CEP41: variants seen among roughly 807,000 people sequenced by gnomAD.
CEP41 encodes the protein centrosomal protein of 41 kDa.
In CEP41, 32 loss-of-function variants were observed where a neutral mutation model predicts 44.3. The ratio of observed to expected loss-of-function variants is 0.72; its 90% CI spans 0.54 to 0.97. The LOEUF (loss-of-function observed/expected upper bound fraction) is 0.97, where lower values mean the gene tolerates loss of function less well. CEP41 is among the 50% of genes least tolerant of loss of function. CEP41 has a pLI of 0.00. For synonymous variants in CEP41, 151 were observed against 168.5 expected, an observed-to-expected ratio of 0.90 and a Z score of 0.80; for missense variants, 432 against 455.2, an observed-to-expected ratio of 0.95 and a Z score of 0.46.
At chr7:130,434,898 A>G (rs971982638) in intron 1 of CEP41, among the ~76,000 whole-genome samples, 2 of 152,196 alleles carry the variant, frequency 1.3e-5, no homozygotes, top group Non-Finnish European at 1.5e-5. Flanking sequence ...AAATCATATC[A>G]GTCCATTTGT....
intron 2 of CEP41, chr7:130,421,891 T>C: frequency 6.5e-7 from 1 of 1,526,824 alleles, no homozygotes; most frequent in Non-Finnish European, 8.8e-7. Context: ...CTTGAGAATA[T>C]ACAAGAACCC....
Position 130,404,684 on chromosome 7 carries a change from G to A in CEP41, c.302C>T (p.Pro101Leu). The change falls in exon 6 of 11, where the codon CCT becomes CTT. Residue 101 changes from proline to leucine, a missense_variant. Physicochemically the swap from Pro to Leu is moderately conservative, Grantham distance 98 (BLOSUM62 -3). Coordinates refer to ENST00000223208, the MANE Select transcript of CEP41 (RefSeq NM_018718.3). ...GGTCCTGGCAGTGGTTTCAGCATCA[G>A]GGTCTGAAGCTGCAGAATCATTGTC... ...LEDNDSAASD[P>L]DAETTARTNG... The A allele has an allele frequency of 1.2e-6, 2 of 1,612,280 alleles. No homozygotes were observed. Among genetic ancestry groups the A allele is most frequent in the South Asian group, 1.1e-5 (1 of 91,044 alleles).
chr7:130,419,317 T>C (rs1797429269), intron 2 of CEP41: 12 of 985,266 alleles, frequency 1.2e-5, no homozygotes, highest in Non-Finnish European at 1.4e-5. Flanking sequence ...ATTGGACAAA[T>C]GAGATAGCAG....
Position 130,421,257 on chromosome 7 carries a change from G to C in CEP41, c.98-4291C>G, listed in dbSNP as rs114154031. ...GCCAATAAGAAAAGCAAGTGATTTT[G>C]TGCAGCAGTAATCTAAAGTAGATGA... On this transcript the variant is annotated intron_variant, in intron 2 of 10. Transcript: ENST00000223208. 2.8e-3 allele frequency: 2,763 copies of C among 985,364 alleles called. 71 individuals are homozygous for C. In the African/African-American group the frequency reaches 0.043, roughly 16 times the overall value. 61.0% of individuals were successfully genotyped at this position (985,364 alleles called of 1,614,324 possible).
At chr7:130,416,119 T>C (rs2117623631) in intron 3 of CEP41, among the ~76,000 whole-genome samples, 1 of 152,380 alleles carries the variant, frequency 6.6e-6, no homozygotes, top group Admixed American at 6.5e-5. Context: ...TGTGCAATTT[T>C]ATCTTCCAAG....
At chr7:130,419,420 T>C (rs1295921276) in intron 2 of CEP41, 1 of 985,278 alleles carries the variant, frequency 1.0e-6, no homozygotes, top group African/African-American at 1.7e-5. Flanking sequence ...ACATCTTAAC[T>C]ATGCAGCCTA....
chr7:130,409,178 T>C (rs888779091), intron 5 of CEP41, among the ~76,000 whole-genome samples: 27 of 152,344 alleles, frequency 1.8e-4, no homozygotes, highest in South Asian at 1.0e-3. Context: ...ATAGCCAATA[T>C]GCATACAGAT....
At chr7:130,410,048 CAG>C in intron 5 of CEP41, among the ~76,000 whole-genome samples, 1 of 40,644 alleles carries the variant, frequency 2.5e-5, no homozygotes, top group African/African-American at 1.2e-4. Context: ...TTTTTTGAGA[CAG>C]AGTCTTGCTG....
At position 130,398,232 on chromosome 7, in the gene CEP41, T is replaced by C. The variant is rs1554415684; in HGVS notation, c.*659A>G. On this transcript the variant is annotated 3_prime_UTR_variant, in exon 11 of 11. Transcript: ENST00000223208. ...CATACCTTTCTGGCTCCAGGAAATA[T>C]CTAGTAAGGGGGAGCATTCAGTGAG... 8.8e-6 allele frequency: 4 copies of C among 454,104 alleles called. No individual in the cohort carries two copies. The highest frequency in any genetic ancestry group is 6.9e-5 in the East Asian group (1 of 14,398). 28.1% of individuals were successfully genotyped at this position (454,104 alleles called of 1,614,324 possible).
chr7:130,434,967 C>A (rs938483812), intron 1 of CEP41, among the ~76,000 whole-genome samples: 2 of 152,058 alleles, frequency 1.3e-5, no homozygotes, highest in Non-Finnish European at 2.9e-5. Context: ...AACTGTGATA[C>A]AACCACACCA....
At chr7:130,440,518 G>A in intron 1 of CEP41, 2 of 365,274 alleles carry the variant, frequency 5.5e-6, no homozygotes, top group Non-Finnish European at 5.2e-6. Context: ...GTTTTCCAAA[G>A]GTTTGGTCAG....
At position 130,397,352 on chromosome 7, in the gene CEP41, G is replaced by A. The variant is rs1554415120; in HGVS notation, c.*1539C>T. 4.4e-6 allele frequency: 2 copies of A among 454,432 alleles called. No individual in the cohort carries two copies. The highest frequency in any genetic ancestry group is 2.3e-5 in the Admixed American group (1 of 42,572). The allele number at this position is 454,432 out of a possible 1,614,324, so 28.1% of individuals were successfully genotyped here. A position where few individuals can be genotyped will look rare whatever the true frequency, so the allele number is the denominator to read the frequency against. On this transcript the variant is annotated 3_prime_UTR_variant, in exon 11 of 11. Transcript: ENST00000223208. ...TTTGATTTCTAAAGCATCGGAAAAT[G>A]TTGCACTTTGGAAATCAAGTAGAGA...
In CEP41 at chr7:130,394,997, G is replaced by A; in HGVS notation, c.*3894C>T. On this transcript the variant is annotated 3_prime_UTR_variant, in exon 11 of 11. Coordinates refer to ENST00000223208, the MANE Select transcript of CEP41 (RefSeq NM_018718.3). Reference sequence around the variant, plus strand: ...CAGAACAAAGAGGATCAGCAACAGAGAGGGGAGCCATCAGGGGATCACAAT... The same window carrying A: ...CAGAACAAAGAGGATCAGCAACAGAAAGGGGAGCCATCAGGGGATCACAAT... 2 of 454,092 alleles carry A rather than the reference G, an allele frequency of 4.4e-6. No homozygotes were observed. Among genetic ancestry groups the A allele is most frequent in the Non-Finnish European group, 8.8e-6 (2 of 226,788 alleles). 28.1% of individuals were successfully genotyped at this position (454,092 alleles called of 1,614,324 possible).
intron 2 of CEP41, among the ~76,000 whole-genome samples, chr7:130,423,923 TAGAG>T (rs1276613630): frequency 9.2e-5 from 14 of 152,178 alleles, no homozygotes; most frequent in African/African-American, 3.4e-4. Flanking sequence ...AATCCATAGA[TAGAG>T]AAAGTAGATT....
At position 130,412,195 on chromosome 7, in the gene CEP41, G is replaced by GT. The variant is rs1554419895; in HGVS notation, c.190dup (p.Thr64AsnfsTer15). 1.9e-6 allele frequency: 3 copies of GT among 1,552,870 alleles called. No individual in the cohort carries two copies. The highest frequency in any genetic ancestry group is 1.4e-5 in the African/African-American group (1 of 73,854). The stretch of plus-strand genomic sequence containing the variant: ...GAAACTTACCAGCTGGGCAAAAGTT[G>GT]TAACTTTTAGTCTCTTGAAAAGCTC... On this transcript the variant is annotated frameshift_variant, in exon 4 of 11. Coordinates refer to ENST00000223208, the MANE Select transcript of CEP41 (RefSeq NM_018718.3). LOFTEE classifies it high-confidence loss of function.
rs371812716 is a variant in CEP41 at position 130,398,935 on chromosome 7, G to A, written c.1078C>T (p.Arg360Cys). ...TGCAGGTGACCACTGCTGAGGGAGC[G>A]GGGGTTTGAGTGGCTGGCGGGGCCG... ...GGGPASHSNP[R>C]SLSSGHLQGK... Residue 360 changes from arginine (R) to cysteine (C), a missense_variant, in exon 11 of 11, where the codon CGC (arginine) becomes TGC (cysteine). Arg to Cys is a radical substitution (Grantham distance 180). Transcript: ENST00000223208. 44 of 1,614,220 alleles carry A rather than the reference G, an allele frequency of 2.7e-5. No individual in the cohort carries two copies. In the East Asian group the frequency reaches 2.9e-4, roughly 11 times the overall value.
Position 130,400,044 on chromosome 7 carries a change from T to C in CEP41, c.968A>G (p.His323Arg), listed in dbSNP as rs782780788. Residue 323 changes from histidine to arginine, a missense_variant, in exon 10 of 11, where the codon CAT (histidine) becomes CGT (arginine). Coordinates refer to ENST00000223208, the MANE Select transcript of CEP41 (RefSeq NM_018718.3). Reference protein sequence around the residue: ...YLEEEQGPADHPSRLNQANSS... With the variant: ...YLEEEQGPADRPSRLNQANSS... ...TAAAGGTCAAAAGATCTTACTAGGATGATCTGCAGGCCCTTGCTCCTCTTC... is the reference window on the plus strand; with the variant it reads ...TAAAGGTCAAAAGATCTTACTAGGACGATCTGCAGGCCCTTGCTCCTCTTC... 3 of 1,593,246 alleles carry C rather than the reference T, an allele frequency of 1.9e-6. No homozygotes were observed. Among genetic ancestry groups the C allele is most frequent in the Non-Finnish European group, 2.6e-6 (3 of 1,162,496 alleles).
In CEP41 at chr7:130,400,830, C is replaced by G. The variant is rs1205163384; in HGVS notation, c.643-9G>C. 6.3e-7 allele frequency: 1 copy of G among 1,575,598 alleles called. No individual in the cohort carries two copies. On this transcript the variant is annotated splice_polypyrimidine_tract_variant and intron_variant, in intron 8 of 10. Transcript: ENST00000223208. ...TTGCCATGGGCATTTTTCTAAGAGTCAGATGAGTTAAGGTTCCAAGGCACT... is the reference window on the plus strand; with the variant it reads ...TTGCCATGGGCATTTTTCTAAGAGTGAGATGAGTTAAGGTTCCAAGGCACT...
At chr7:130,430,444 T>C (rs1444137759) in intron 1 of CEP41, among the ~76,000 whole-genome samples, 4 of 152,160 alleles carry the variant, frequency 2.6e-5, no homozygotes, top group Non-Finnish European at 5.9e-5. Context: ...ATTTTATCCT[T>C]AGAAAAAGGT....
Sources: allele counts gnomAD v4.1 joint callset (sites outside exome capture counted in the v4.1 genomes callset), GRCh38; gene constraint gnomAD v4.1.1; transcripts MANE v1.5; gene names NCBI Gene and HGNC (gene_info 2026-07-23, HGNC 2026-07-21).